The following NTM variants were observed in gnomAD, a reference collection of about 807,000 sequenced individuals.
The protein encoded by NTM is IgLON family member 2.
Under a neutral mutation model 42.1 loss-of-function variants are expected in NTM, and 13 were observed. The ratio of observed to expected loss-of-function variants is 0.31; its 90% CI spans 0.20 to 0.49. The LOEUF (loss-of-function observed/expected upper bound fraction) is 0.49, where lower values mean the gene tolerates loss of function less well. Among genes scored for constraint, NTM ranks in the 20% least tolerant of loss-of-function variants. The pLI, the probability that NTM is intolerant of heterozygous loss-of-function variation, is 0.99. For synonymous variants in NTM, 187 were observed against 179.2 expected, an observed-to-expected ratio of 1.04 and a Z score of -0.35; for missense variants, 373 against 452.8, an observed-to-expected ratio of 0.82 and a Z score of 1.60.
At chr11:131,606,358 C>T (rs1035040489) in intron 1 of NTM, among the ~76,000 whole-genome samples, 5 of 152,132 alleles carry the variant, frequency 3.3e-5, no homozygotes, top group Admixed American at 1.3e-4. Context: ...ACCTGGCTGA[C>T]GGCTGTATTT....
intron 2 of NTM, among the ~76,000 whole-genome samples, chr11:132,056,617 A>G (rs547285263): frequency 6.6e-6 from 1 of 152,216 alleles, no homozygotes; most frequent in East Asian, 1.9e-4. Flanking sequence ...GGAGAATCAG[A>G]CTCTCTTGGA....
intron 1 of NTM, among the ~76,000 whole-genome samples, chr11:131,872,144 T>G (rs955144628): frequency 1.3e-5 from 2 of 152,176 alleles, no homozygotes; most frequent in Admixed American, 6.5e-5. Flanking sequence ...CCAGCCACCC[T>G]CAATCAAGAG....
intron 1 of NTM, among the ~76,000 whole-genome samples, chr11:131,626,834 A>G (rs772671162): frequency 2.0e-5 from 3 of 152,214 alleles, no homozygotes; most frequent in Admixed American, 6.5e-5. Flanking sequence ...AGCAAAAACT[A>G]ACTAAATGAA....
chr11:131,770,130 T>G (rs1490227509), intron 1 of NTM, among the ~76,000 whole-genome samples: 4 of 152,228 alleles, frequency 2.6e-5, no homozygotes, highest in African/African-American at 9.6e-5. Flanking sequence ...CCATCCATGT[T>G]ACTGTTTTGT....
chr11:131,374,347 T>G (rs1271573396), intron 1 of NTM, among the ~76,000 whole-genome samples: 1 of 152,242 alleles, frequency 6.6e-6, no homozygotes, highest in African/African-American at 2.4e-5. Context: ...GGAGAGTGTC[T>G]GCCCTGGCCG....
chr11:131,720,110 T>C (rs574575202), intron 1 of NTM, among the ~76,000 whole-genome samples: 1 of 152,332 alleles, frequency 6.6e-6, no homozygotes, highest in South Asian at 2.1e-4. Context: ...CAGATACTAC[T>C]GTTTTGCTTG....
intron 4 of NTM, 99 bp from the exon 5 acceptor site, chr11:132,307,590 T>A: frequency 6.6e-7 from 1 of 1,520,738 alleles, no homozygotes; most frequent in Middle Eastern, 1.8e-4. Flanking sequence ...ACTGGCAAAT[T>A]ATCTGCAGAC....
At chr11:131,576,716 G>A in intron 1 of NTM, among the ~76,000 whole-genome samples, 1 of 152,288 alleles carries the variant, frequency 6.6e-6, no homozygotes. Flanking sequence ...AAGGGCATCT[G>A]CCTGCATCAA....
At chr11:131,695,648 T>A (rs552009769) in intron 1 of NTM, among the ~76,000 whole-genome samples, 2 of 152,266 alleles carry the variant, frequency 1.3e-5, no homozygotes, top group South Asian at 4.2e-4. Context: ...AGAGCATGTT[T>A]AGGAGCAACT....
intron 1 of NTM, among the ~76,000 whole-genome samples, chr11:131,467,456 T>C (rs1200468374): frequency 6.6e-6 from 1 of 152,162 alleles, no homozygotes; most frequent in Non-Finnish European, 1.5e-5. Flanking sequence ...ACTAAAAAAT[T>C]CAACTGCACT....
chr11:131,427,158 A>C (rs1196004790), intron 1 of NTM, among the ~76,000 whole-genome samples: 1 of 150,800 alleles, frequency 6.6e-6, no homozygotes, highest in African/African-American at 2.4e-5. Context: ...GAAGCAGAAG[A>C]CCGGCACCTG....
chr11:131,552,326 T>A (rs1377368136), intron 1 of NTM, among the ~76,000 whole-genome samples: 1 of 152,128 alleles, frequency 6.6e-6, no homozygotes, highest in East Asian at 1.9e-4. Flanking sequence ...TTTGCCTTTA[T>A]CTACCAAAAC....
intron 3 of NTM, among the ~76,000 whole-genome samples, chr11:132,166,328 T>G (rs532777102): frequency 6.6e-6 from 1 of 152,178 alleles, no homozygotes; most frequent in African/African-American, 2.4e-5. Context: ...GACCTCATTA[T>G]CTATTAGTCT....
intron 2 of NTM, among the ~76,000 whole-genome samples, chr11:132,115,762 T>A (rs1172237270): frequency 2.0e-5 from 3 of 152,234 alleles, no homozygotes; most frequent in Non-Finnish European, 2.9e-5. Flanking sequence ...GATGTTGCGT[T>A]CCTCTCCCTT....
intron 4 of NTM, among the ~76,000 whole-genome samples, chr11:132,229,628 C>G (rs2087059149): frequency 6.6e-6 from 1 of 152,112 alleles, no homozygotes; most frequent in East Asian, 1.9e-4. Flanking sequence ...CATAATTCCC[C>G]AAGGAAAGTT....
chr11:131,468,737 G>A (rs1407017487), intron 1 of NTM, among the ~76,000 whole-genome samples: 1 of 152,234 alleles, frequency 6.6e-6, no homozygotes, highest in African/African-American at 2.4e-5. Flanking sequence ...GTGGGCAGGA[G>A]CAATTGCAAA....
At chr11:131,458,424 A>C (rs1298345939) in intron 1 of NTM, among the ~76,000 whole-genome samples, 1 of 152,218 alleles carries the variant, frequency 6.6e-6, no homozygotes, top group Non-Finnish European at 1.5e-5. Context: ...GTGGTCAAGA[A>C]CACCTGCGGA....
At chr11:131,776,577 T>C (rs1369503128) in intron 1 of NTM, among the ~76,000 whole-genome samples, 3 of 151,982 alleles carry the variant, frequency 2.0e-5, no homozygotes, top group Admixed American at 2.0e-4. Context: ...TCAGATATTT[T>C]AGACATTTTT....
At chr11:132,137,881 G>A (rs1302908493) in intron 2 of NTM, among the ~76,000 whole-genome samples, 1 of 152,166 alleles carries the variant, frequency 6.6e-6, no homozygotes, top group Non-Finnish European at 1.5e-5. Flanking sequence ...GCACTGGGTG[G>A]TGGACTTGCG....
Sources: allele counts gnomAD v4.1 joint callset (sites outside exome capture counted in the v4.1 genomes callset), GRCh38; gene constraint gnomAD v4.1.1; transcripts MANE v1.5; gene names NCBI Gene and HGNC (gene_info 2026-07-23, HGNC 2026-07-21).